PPP2R2D: variants seen among roughly 807,000 people sequenced by gnomAD.
PPP2R2D encodes protein phosphatase 2 regulatory subunit Bdelta.
In PPP2R2D, 9 loss-of-function variants were observed where a neutral mutation model predicts 31.1. The ratio of observed to expected loss-of-function variants is 0.29; its 90% confidence interval spans 0.17 to 0.51. PPP2R2D has a LOEUF of 0.51. Among genes scored for constraint, PPP2R2D ranks in the 20% least tolerant of loss-of-function variants. PPP2R2D has a pLI of 0.98. For missense variants in PPP2R2D, 391 were observed against 465.6 expected (o/e 0.84, Z 1.48); for synonymous variants, 179 against 172.6 (o/e 1.04, Z -0.29).
At chr10:131,960,090 C>T (rs1189616291), downstream of PPP2R2D, among the ~76,000 whole-genome samples, 28 of 152,214 alleles carry the variant, frequency 1.8e-4, no homozygotes, top group Admixed American at 1.8e-3. Context: ...CAGTCCTGTC[C>T]GTTTCTGTGG....
In PPP2R2D at chr10:131,901,117, C is replaced by T. The variant is rs2035484533; in HGVS notation, c.-32C>T. 8.5e-6 allele frequency: 2 copies of T among 236,540 alleles called. No homozygotes were observed. Among genetic ancestry groups the T allele is most frequent in the South Asian group, 1.6e-4 (1 of 6,374 alleles). 14.7% of individuals were successfully genotyped at this position (236,540 alleles called of 1,614,324 possible). A position where few individuals can be genotyped will look rare whatever the true frequency, so the allele number is the denominator to read the frequency against. Reference sequence around the variant, plus strand: ...CGCGGAGGCCGTCTCCCTGGTCTGCCGCGGTCCCCGCCCGTCCCGCCGCCG... The same window carrying T: ...CGCGGAGGCCGTCTCCCTGGTCTGCTGCGGTCCCCGCCCGTCCCGCCGCCG... On this transcript the variant is annotated 5_prime_UTR_variant, in exon 1 of 9. Transcript: ENST00000455566.
chr10:131,902,527 A>G (rs2035517241), intron 2 of PPP2R2D, among the ~76,000 whole-genome samples: 1 of 152,204 alleles, frequency 6.6e-6, no homozygotes, highest in Admixed American at 6.5e-5. Flanking sequence ...GAAATGCGTA[A>G]TATATATGGT....
At chr10:131,927,694 C>T (rs1263811428) in intron 2 of PPP2R2D, among the ~76,000 whole-genome samples, 1 of 152,182 alleles carries the variant, frequency 6.6e-6, no homozygotes, top group Admixed American at 6.5e-5. Flanking sequence ...ATCGGACACC[C>T]CGTTCTTGAA....
chr10:131,951,944 C>T (rs1187152793), intron 8 of PPP2R2D, among the ~76,000 whole-genome samples: 1 of 152,220 alleles, frequency 6.6e-6, no homozygotes, highest in Non-Finnish European at 1.5e-5. Context: ...TCCAGAGTGG[C>T]AACACAGTGC....
Position 131,901,528 on chromosome 10 carries a change from C to T in PPP2R2D, c.100+198C>T, listed in dbSNP as rs1456869432. Among the ~76,000 whole-genome samples, 10 of 151,962 alleles carry T rather than the reference C, an allele frequency of 6.6e-5. No individual in the cohort carries two copies. The East Asian group carries it at 2.0e-3, about 30-fold the overall frequency. On this transcript the variant is annotated intron_variant, in intron 2 of 8. Transcript: ENST00000455566. ...GTCCGCTGTCCCGGCCCGCGGGGCA[C>T]GGGCGGAGGCGTCGGGCCCGCGGCG...
intron 3 of PPP2R2D, 133 bp from the exon 4 acceptor site, chr10:131,939,898 C>A (rs868949988): frequency 2.8e-5 from 10 of 354,050 alleles, no homozygotes; most frequent in African/African-American, 4.4e-5. Flanking sequence ...TGAGTTTCAT[C>A]TGAGATTTTT....
Position 131,955,918 on chromosome 10 carries a change from G to A in PPP2R2D, c.1317G>A (p.Val439=). 6.3e-7 allele frequency: 1 copy of A among 1,585,294 alleles called. No homozygotes were observed. Among genetic ancestry groups the A allele is most frequent in the Non-Finnish European group, 8.6e-7 (1 of 1,163,714 alleles). Residue 439 remains valine (V), a synonymous_variant, in exon 9 of 9, where the codon GTG becomes GTA. Coordinates refer to ENST00000455566, the MANE Select transcript of PPP2R2D (RefSeq NM_018461.5). The part of the protein sequence containing the change: ...AWHPVDNVIA[V]AATNNLYIFQ... Reference sequence around the variant, plus strand: ...ACCCCGTGGACAATGTCATTGCCGTGGCTGCCACCAATAACTTGTACATAT... The same window carrying A: ...ACCCCGTGGACAATGTCATTGCCGTAGCTGCCACCAATAACTTGTACATAT...
the PPP2R2D span, chr10:131,968,594 T>TA: frequency 1.3e-6 from 2 of 1,567,506 alleles, no homozygotes; most frequent in South Asian, 2.2e-5. Context: ...TATCAGTAGT[T>TA]AATGTATCTT....
chr10:131,937,216 C>G (rs964882926), intron 3 of PPP2R2D, among the ~76,000 whole-genome samples: 3 of 152,152 alleles, frequency 2.0e-5, no homozygotes, highest in Non-Finnish European at 4.4e-5. Context: ...GTGCAGAAGA[C>G]GAGGTGGGAA....
chr10:131,948,470 A>C (rs2036581573), intron 8 of PPP2R2D, among the ~76,000 whole-genome samples: 1 of 152,218 alleles, frequency 6.6e-6, no homozygotes, highest in South Asian at 2.1e-4. Context: ...GATTGACTGG[A>C]TATTCTGCAA....
chr10:131,936,647 A>C (rs977702258), intron 3 of PPP2R2D, among the ~76,000 whole-genome samples: 2 of 152,224 alleles, frequency 1.3e-5, no homozygotes, highest in Non-Finnish European at 2.9e-5. Context: ...ATAGTCTCAA[A>C]TATAAAACAA....
chr10:131,955,974 G>A lies in PPP2R2D; in HGVS notation c.*11G>A, dbSNP rs782711379. On this transcript the variant is annotated 3_prime_UTR_variant, in exon 9 of 9. Coordinates refer to ENST00000455566, the MANE Select transcript of PPP2R2D (RefSeq NM_018461.5). ...GACAAAATCAACTAGAGACGCGAACGTGAGGACCAAGTCTTGTCTTGCATA... is the reference window on the plus strand; with the variant it reads ...GACAAAATCAACTAGAGACGCGAACATGAGGACCAAGTCTTGTCTTGCATA... 6.3e-5 allele frequency: 94 copies of A among 1,486,966 alleles called. No homozygotes were observed. The highest frequency in any genetic ancestry group is 3.6e-4 in the Middle Eastern group (2 of 5,570). The allele number at this position is 1,486,966 out of a possible 1,614,324, so 92.1% of individuals were successfully genotyped here.
At chr10:131,971,317 G>A in the PPP2R2D span, 46 of 303,316 alleles carry the variant, frequency 1.5e-4, 1 homozygote, top group East Asian at 2.3e-3. Flanking sequence ...AGATGGTGAC[G>A]GCAGCACTGG....
intron 2 of PPP2R2D, among the ~76,000 whole-genome samples, chr10:131,915,327 G>A (rs965672848): frequency 6.6e-6 from 1 of 152,058 alleles, no homozygotes; most frequent in African/African-American, 2.4e-5. Context: ...CTTTGCTCCC[G>A]TCCTTTGCAG....
At chr10:131,940,344 G>A in intron 4 of PPP2R2D, 148 bp downstream of exon 4, 1 of 580,326 alleles carries the variant, frequency 1.7e-6, no homozygotes, top group Non-Finnish European at 3.1e-6. Context: ...GTGATAGGTT[G>A]AAAATTCAAA....
intron 3 of PPP2R2D, among the ~76,000 whole-genome samples, chr10:131,939,020 C>T (rs1181362060): frequency 1.3e-5 from 2 of 152,264 alleles, no homozygotes; most frequent in African/African-American, 2.4e-5. Flanking sequence ...CAGCCAGAGA[C>T]AGTATGTGCA....
intron 2 of PPP2R2D, among the ~76,000 whole-genome samples, chr10:131,920,068 GTGTT>G (rs1420444414): frequency 1.5e-4 from 22 of 151,272 alleles, no homozygotes; most frequent in South Asian, 1.3e-3. Context: ...GAATGACACA[GTGTT>G]TGTAGGGATC....
intron 2 of PPP2R2D, among the ~76,000 whole-genome samples, chr10:131,930,599 G>A (rs2036203242): frequency 6.6e-6 from 1 of 152,234 alleles, no homozygotes; most frequent in East Asian, 1.9e-4. Flanking sequence ...AGGGTAGTTT[G>A]AGGTTTCATC....
intron 2 of PPP2R2D, among the ~76,000 whole-genome samples, chr10:131,903,224 T>C: frequency 6.6e-6 from 1 of 152,262 alleles, no homozygotes; most frequent in South Asian, 2.1e-4. Flanking sequence ...TCCAGCACTT[T>C]GGGAGGCCAA....
Sources: allele counts gnomAD v4.1 joint callset (sites outside exome capture counted in the v4.1 genomes callset), GRCh38; gene constraint gnomAD v4.1.1; transcripts MANE v1.5; gene names NCBI Gene and HGNC (gene_info 2026-07-23, HGNC 2026-07-21).